CENPE: variants seen among roughly 807,000 people sequenced by gnomAD.
CENPE encodes the protein centromere protein E.
In CENPE, 145 loss-of-function variants were observed where a neutral mutation model predicts 336.1. The ratio of observed to expected loss-of-function variants is 0.43; its 90% CI spans 0.38 to 0.50. The LOEUF is 0.50. Among genes scored for constraint, CENPE ranks in the 20% least tolerant of loss-of-function variants. The pLI is 0.00. For missense variants in CENPE, 2,719 were observed against 3,023.3 expected (o/e 0.90, Z 2.36); for synonymous variants, 1,013 against 984.8 (o/e 1.03, Z -0.54).
In CENPE at chr4:103,158,387, T is replaced by C. The variant is rs1560641188; in HGVS notation, c.2946A>G (p.Thr982=). ...CTTCCTCAGAAATTTTCGATTTTAG[T>C]GTATTAATTGTTTCTTGATGTTGTT... ...SLKQHQETIN[T]LKSKISEEVS... The change falls in exon 24 of 49, where the codon ACA becomes ACG. Residue 982 remains threonine (T), a synonymous_variant. Transcript: ENST00000265148. 1 of 1,609,094 alleles carries C rather than the reference T, an allele frequency of 6.2e-7. No homozygotes were observed. Among genetic ancestry groups the C allele is most frequent in the African/African-American group, 1.3e-5 (1 of 74,940 alleles).
chr4:103,128,286 A>G (rs1751303573), intron 42 of CENPE, among the ~76,000 whole-genome samples: 1 of 152,208 alleles, frequency 6.6e-6, no homozygotes, highest in Non-Finnish European at 1.5e-5. Context: ...AAACTGATAA[A>G]ACTACAAGGA....
At chr4:103,119,623 C>T (rs182851289) in intron 44 of CENPE, among the ~76,000 whole-genome samples, 9 of 152,154 alleles carry the variant, frequency 5.9e-5, no homozygotes, top group African/African-American at 1.7e-4. Flanking sequence ...GGATCAGACT[C>T]GAGTAGAAGA....
chr4:103,127,863 T>C (rs1751263222), intron 42 of CENPE, among the ~76,000 whole-genome samples: 1 of 151,978 alleles, frequency 6.6e-6, no homozygotes, highest in South Asian at 2.1e-4. Flanking sequence ...CAAAAATAGG[T>C]ACAAAGAATA....
intron 41 of CENPE, 64 bp from the exon 42 acceptor site, chr4:103,132,960 T>TTATTTATATATA (rs1751726045): frequency 6.9e-6 from 1 of 144,300 alleles, no homozygotes; most frequent in African/African-American, 3.6e-5. Flanking sequence ...AATATTTTAT[T>TTATTTATATATA]TATATATATA....
At chr4:103,185,690 T>C in intron 9 of CENPE, 120 bp downstream of exon 9, 3 of 537,848 alleles carry the variant, frequency 5.6e-6, no homozygotes. Flanking sequence ...AATTAATGAT[T>C]CATTATTATT....
intron 26 of CENPE, 28 bp from the exon 27 acceptor site, chr4:103,149,436 C>A: frequency 6.6e-7 from 1 of 1,519,472 alleles, no homozygotes; most frequent in South Asian, 1.3e-5. Flanking sequence ...TTATAATTAC[C>A]ATTTTACTTA....
chr4:103,147,068 T>G (rs1189568912), intron 29 of CENPE, among the ~76,000 whole-genome samples: 1 of 152,146 alleles, frequency 6.6e-6, no homozygotes, highest in East Asian at 1.9e-4. Flanking sequence ...TAAAACAATC[T>G]CATATTTGGT....
rs563504652 is a variant in CENPE, at chr4:103,157,183, T to C, written c.3033+1117A>G. Among the ~76,000 whole-genome samples the C allele has an allele frequency of 3.6e-4, 55 of 152,116 alleles. 1 individual carries two copies. Among genetic ancestry groups the C allele is most frequent in the Non-Finnish European group, 6.3e-4 (43 of 67,918 alleles). ...CTGTTATGGAAAACATTATGGTGCT[T>C]TCTCAAAAAATTAAAAATAGAATTA... On this transcript the variant is annotated intron_variant, in intron 24 of 48. Coordinates refer to ENST00000265148, the MANE Select transcript of CENPE (RefSeq NM_001813.3).
intron 31 of CENPE, 47 bp from the exon 32 acceptor site, chr4:103,145,381 AC>A: frequency 8.7e-7 from 1 of 1,152,944 alleles, no homozygotes; most frequent in Non-Finnish European, 1.2e-6. Context: ...AAATATGTAA[AC>A]ACACACACAC....
intron 42 of CENPE, among the ~76,000 whole-genome samples, chr4:103,124,597 G>T (rs964308335): frequency 5.9e-5 from 9 of 152,152 alleles, no homozygotes; most frequent in African/African-American, 2.2e-4. Context: ...CTCACTGATT[G>T]TTGGTAATTA....
intron 44 of CENPE, among the ~76,000 whole-genome samples, chr4:103,117,741 CCT>C (rs1750267862): frequency 6.6e-6 from 1 of 151,392 alleles, no homozygotes; most frequent in African/African-American, 2.4e-5. Flanking sequence ...GATTCTCCTG[CCT>C]CAGTCCCCTG....
At chr4:103,182,728 C>A in intron 11 of CENPE, 34 bp downstream of exon 11, 1 of 1,533,206 alleles carries the variant, frequency 6.5e-7, no homozygotes. Flanking sequence ...GCTGATCTTC[C>A]CCTATATTAA....
chr4:103,180,866 A>T (rs1756270365), intron 12 of CENPE, among the ~76,000 whole-genome samples: 1 of 152,164 alleles, frequency 6.6e-6, no homozygotes, highest in Admixed American at 6.5e-5. Context: ...AAGATCCTTA[A>T]TGCGTGATTT....
Position 103,106,098 on chromosome 4 carries a change from T to C in CENPE, c.*124A>G, listed in dbSNP as rs974217690. ...CTGTTCCCTTATCTTTCAACTCTAG[T>C]GGCAAAGTAAAGACTGAATTGAAAT... On this transcript the variant is annotated 3_prime_UTR_variant, in exon 49 of 49. Coordinates refer to ENST00000265148, the MANE Select transcript of CENPE (RefSeq NM_001813.3). 2 of 499,906 alleles carry C rather than the reference T, an allele frequency of 4.0e-6. No individual in the cohort carries two copies. The highest frequency in any genetic ancestry group is 3.9e-5 in the African/African-American group (2 of 51,102). The allele number at this position is 499,906 out of a possible 1,614,324, so 31.0% of individuals were successfully genotyped here. A position where few individuals can be genotyped will look rare whatever the true frequency, so the allele number is the denominator to read the frequency against.
chr4:103,173,625 A>G (rs1755605989), intron 16 of CENPE, among the ~76,000 whole-genome samples: 1 of 152,100 alleles, frequency 6.6e-6, no homozygotes, highest in Non-Finnish European at 1.5e-5. Context: ...AATATTTGCA[A>G]AATATACATC....
chr4:103,171,352 AATTAATAATAG>A (rs1410100068), intron 16 of CENPE, among the ~76,000 whole-genome samples: 1 of 152,124 alleles, frequency 6.6e-6, no homozygotes, highest in Non-Finnish European at 1.5e-5. Flanking sequence ...TAAAACTAGA[AATTAATAATAG>A]CAGAAATTCT....
chr4:103,114,021 G>A (rs1225541101), intron 46 of CENPE, among the ~76,000 whole-genome samples: 1 of 151,854 alleles, frequency 6.6e-6, no homozygotes, highest in African/African-American at 2.4e-5. Context: ...ATATTAACTT[G>A]GTATTTTTAG....
At chr4:103,179,651 A>C (rs1231481789) in intron 13 of CENPE, among the ~76,000 whole-genome samples, 1 of 152,222 alleles carries the variant, frequency 6.6e-6, no homozygotes, top group Non-Finnish European at 1.5e-5. Context: ...TTCTCACACA[A>C]CACTTATGAG....
At chr4:103,182,272 G>A (rs1041757067) in intron 11 of CENPE, among the ~76,000 whole-genome samples, 5 of 151,990 alleles carry the variant, frequency 3.3e-5, no homozygotes, top group African/African-American at 1.2e-4. Context: ...TGTATTTTTA[G>A]TAAAGACAGG....
Sources: gnomAD v4.1 joint callset for allele counts (sites outside exome capture counted in the v4.1 genomes callset) on GRCh38, gnomAD v4.1.1 for gene constraint, MANE v1.5 for transcripts, NCBI Gene and HGNC (gene_info 2026-07-23, HGNC 2026-07-21) for gene names.